The following S1PR5 variants were observed in gnomAD, a reference collection of about 807,000 sequenced individuals.
The protein encoded by S1PR5 is sphingosine-1-phosphate receptor 5.
For missense variants in S1PR5, 583 were observed against 571.7 expected (o/e 1.02, Z -0.20); for synonymous variants, 307 against 284.7 (o/e 1.08, Z -0.79).
At position 10,514,421 on chromosome 19, in the gene S1PR5, G is replaced by T; in HGVS notation, c.591C>A (p.Cys197Ter). 1.9e-6 allele frequency: 3 copies of T among 1,609,480 alleles called. No homozygotes were observed. Among genetic ancestry groups the T allele is most frequent in the Non-Finnish European group, 2.5e-6 (3 of 1,178,352 alleles). ...CCAGGATGCCCACGAAGGCGAGCAC[G>T]CAGAAGAGCACGTAGGCCTTGGCGT... ...PLYAKAYVLF[C>*]VLAFVGILAA... Residue 197 changes from cysteine to a stop codon, truncating the protein, a stop_gained, in exon 2 of 2, where the codon TGC (cysteine) becomes TGA (stop). Transcript: ENST00000333430. LOFTEE classifies it low-confidence loss of function (END_TRUNC).
In S1PR5 at chr19:10,514,423, A is replaced by C; in HGVS notation, c.589T>G (p.Cys197Gly). The C allele has an allele frequency of 6.2e-7, 1 of 1,609,758 alleles. No individual in the cohort carries two copies. Among genetic ancestry groups the C allele is most frequent in the East Asian group, 2.2e-5 (1 of 44,732 alleles). The change falls in exon 2 of 2, where the codon TGC (cysteine) becomes GGC (glycine). Residue 197 changes from cysteine (C) to glycine (G), a missense_variant. Transcript: ENST00000333430. ...AGGATGCCCACGAAGGCGAGCACGCAGAAGAGCACGTAGGCCTTGGCGTAG... is the reference window on the plus strand; with the variant it reads ...AGGATGCCCACGAAGGCGAGCACGCCGAAGAGCACGTAGGCCTTGGCGTAG... Reference protein sequence around the residue: ...PLYAKAYVLFCVLAFVGILAA... With the variant: ...PLYAKAYVLFGVLAFVGILAA...
chr19:10,515,138 T>G, intron 1 of S1PR5, 109 bp from the exon 2 acceptor site: 3 of 1,391,314 alleles, frequency 2.2e-6, no homozygotes, highest in Non-Finnish European at 2.9e-6. Context: ...TCACCCCCTA[T>G]ACATGGTGTC....
chr19:10,517,548 G>C (rs971719513), upstream of S1PR5: 1 of 985,306 alleles, frequency 1.0e-6, no homozygotes. Flanking sequence ...CCCTCCCCTT[G>C]GGTCCCGGGC....
In S1PR5 at chr19:10,517,423, G is replaced by C. The variant is rs1191977175; in HGVS notation, c.-44C>G. 1 of 985,526 alleles carries C rather than the reference G, an allele frequency of 1.0e-6. No individual in the cohort carries two copies. The highest frequency in any genetic ancestry group is 6.1e-5 in the Admixed American group (1 of 16,272). The allele number at this position is 985,526 out of a possible 1,614,324, so 61.0% of individuals were successfully genotyped here. ...TCTGCGCCCTGGTCGTGCGCCACCC[G>C]CAGTCGCGCTGCCTTGAACCGAGTG... is the stretch of plus-strand genomic sequence containing the variant. On this transcript the variant is annotated 5_prime_UTR_variant, in exon 1 of 2. Transcript: ENST00000333430.
chr19:10,517,539 C>T (rs1218808434), upstream of S1PR5: 20 of 985,414 alleles, frequency 2.0e-5, no homozygotes, highest in South Asian at 4.7e-5. Flanking sequence ...GCAGTTGCCC[C>T]CTCCCCTTGG....
chr19:10,517,387 A>G lies in S1PR5; in HGVS notation c.-19+11T>C, dbSNP rs1448755310. The G allele has an allele frequency of 3.0e-6, 3 of 985,658 alleles. No homozygotes were observed. The highest frequency in any genetic ancestry group is 3.6e-6 in the Non-Finnish European group (3 of 830,120). 61.1% of individuals were successfully genotyped at this position (985,658 alleles called of 1,614,324 possible). On this transcript the variant is annotated intron_variant, in intron 1 of 1. Coordinates refer to ENST00000333430, the MANE Select transcript of S1PR5 (RefSeq NM_030760.5). ...CCCAGCGCCCCCAAAGGTCCAGTGC[A>G]GTCCACTCACTCTGCGCCCTGGTCG...
Position 10,514,709 on chromosome 19 carries a change from C to G in S1PR5, c.303G>C (p.Leu101=). 1 of 1,610,700 alleles carries G rather than the reference C, an allele frequency of 6.2e-7. No individual in the cohort carries two copies. The highest frequency in any genetic ancestry group is 8.5e-7 in the Non-Finnish European group (1 of 1,179,154). Residue 101 remains leucine (L), a synonymous_variant, in exon 2 of 2, where the codon CTG becomes CTC. Coordinates refer to ENST00000333430, the MANE Select transcript of S1PR5 (RefSeq NM_030760.5). ...CGAACCAGAGCGCGGGGGACAGTTT[C>G]AGCGTGAGCGGCCCCGACAGTAGGA... ...ANILLSGPLT[L]KLSPALWFAR...
chr19:10,514,081 G>C lies in S1PR5; in HGVS notation c.931C>G (p.Arg311Gly), dbSNP rs1287763880. ...CGCAGGAGCGCGTGGCGCAGGTCGC[G>C]GTTGGTGAGCGTGTAGATGATGGGG... ...LNPIIYTLTN[R>G]DLRHALLRLV... Residue 311 changes from arginine (R) to glycine (G), a missense_variant, in exon 2 of 2, where the codon CGC becomes GGC. Arg to Gly is a moderately radical substitution (Grantham distance 125). Transcript: ENST00000333430. The C allele has an allele frequency of 7.4e-6, 12 of 1,612,614 alleles. No homozygotes were observed. The African/African-American group carries it at 1.3e-4, about 18-fold the overall frequency.
rs1219050465 is a variant in S1PR5, at chr19:10,513,571, G to T, written c.*244C>A. 8.3e-6 allele frequency: 5 copies of T among 600,040 alleles called. No homozygotes were observed. The East Asian group carries it at 1.5e-4, about 18-fold the overall frequency. The allele number at this position is 600,040 out of a possible 1,614,324, so 37.2% of individuals were successfully genotyped here. ...CCTGACCACCATCACCATCTCTGTC[G>T]TTTGTCACTGGAATCATCTCCATTA... On this transcript the variant is annotated 3_prime_UTR_variant, in exon 2 of 2. Coordinates refer to ENST00000333430, the MANE Select transcript of S1PR5 (RefSeq NM_030760.5).
rs1418770385 is a variant in S1PR5 at position 10,513,318 on chromosome 19, G to T, written c.*497C>A. 1 of 340,456 alleles carries T rather than the reference G, an allele frequency of 2.9e-6. No individual in the cohort carries two copies. Among genetic ancestry groups the T allele is most frequent in the Non-Finnish European group, 5.2e-6 (1 of 190,814 alleles). 21.1% of individuals were successfully genotyped at this position (340,456 alleles called of 1,614,324 possible). On this transcript the variant is annotated 3_prime_UTR_variant, in exon 2 of 2. Transcript: ENST00000333430. The stretch of plus-strand genomic sequence containing the variant: ...GCGAAGTCCTCTATATCACCCACAA[G>T]GTCCTTCGGGAACTACTCCTTCAGC...
Position 10,513,351 on chromosome 19 carries a change from C to T in S1PR5, c.*464G>A. Reference sequence around the variant, plus strand: ...GGGAACTACTCCTTCAGCTCCTTGTCTCCTCCCATTCTCCCCCTCCGTCCC... The same window carrying T: ...GGGAACTACTCCTTCAGCTCCTTGTTTCCTCCCATTCTCCCCCTCCGTCCC... On this transcript the variant is annotated 3_prime_UTR_variant, in exon 2 of 2. Transcript: ENST00000333430. 2.5e-6 allele frequency: 1 copy of T among 398,290 alleles called. No individual in the cohort carries two copies. Among genetic ancestry groups the T allele is most frequent in the Non-Finnish European group, 4.4e-6 (1 of 226,546 alleles). The allele number at this position is 398,290 out of a possible 1,614,324, so 24.7% of individuals were successfully genotyped here.
chr19:10,514,097 G>C lies in S1PR5; in HGVS notation c.915C>G (p.Ile305Met), dbSNP rs74179935. The stretch of plus-strand genomic sequence containing the variant: ...GCAGGTCGCGGTTGGTGAGCGTGTA[G>C]ATGATGGGGTTCAGAAGTGAGTTGG... Reference protein sequence around the residue: ...AMANSLLNPIIYTLTNRDLRH... With the variant: ...AMANSLLNPIMYTLTNRDLRH... Residue 305 changes from isoleucine (I) to methionine (M), a missense_variant, in exon 2 of 2, where the codon ATC (isoleucine) becomes ATG (methionine). Coordinates refer to ENST00000333430, the MANE Select transcript of S1PR5 (RefSeq NM_030760.5). The C allele has an allele frequency of 1.9e-6, 3 of 1,612,930 alleles. No individual in the cohort carries two copies. Among genetic ancestry groups the C allele is most frequent in the Non-Finnish European group, 2.5e-6 (3 of 1,179,830 alleles).
rs373176714 is a variant in S1PR5, at chr19:10,514,928, C to A, written c.84G>T (p.Ala28=). ...GCAGGCCGGCACCCGGCTGGTAGCG[C>A]GCACCGCGGAGCTTGCCGGTGTAGT... ...HYNYTGKLRG[A]RYQPGAGLRA... Residue 28 remains alanine, a synonymous_variant, in exon 2 of 2, where the codon GCG becomes GCT. Transcript: ENST00000333430. 5 of 1,609,156 alleles carry A rather than the reference C, an allele frequency of 3.1e-6. No homozygotes were observed. Among genetic ancestry groups the A allele is most frequent in the Non-Finnish European group, 4.2e-6 (5 of 1,178,706 alleles).
In S1PR5 at chr19:10,514,560, G is replaced by A. The variant is rs756472961; in HGVS notation, c.452C>T (p.Thr151Met). 6.3e-7 allele frequency: 1 copy of A among 1,577,862 alleles called. No homozygotes were observed. The highest frequency in any genetic ancestry group is 1.1e-5 in the South Asian group (1 of 87,308). ...GPAPVSSRGR[T>M]LAMAAAAWGV... ...CCAGGCCGCGGCTGCCATCGCCAGC[G>A]TGCGCCCCCGACTGGAGACGGGCGC... Residue 151 changes from threonine to methionine, a missense_variant, in exon 2 of 2, where the codon ACG becomes ATG. Transcript: ENST00000333430.
chr19:10,515,894 T>C (rs1415072235), intron 1 of S1PR5, among the ~76,000 whole-genome samples: 1 of 151,860 alleles, frequency 6.6e-6, no homozygotes, highest in African/African-American at 2.4e-5. Flanking sequence ...ATTGTGCCAC[T>C]GTACTCCAGC....
At chr19:10,515,463 A>G (rs1915416077) in intron 1 of S1PR5, among the ~76,000 whole-genome samples, 2 of 152,104 alleles carry the variant, frequency 1.3e-5, no homozygotes, top group African/African-American at 4.8e-5. Flanking sequence ...AACACAAAAA[A>G]TTAGCCAGGC....
In S1PR5 at chr19:10,514,444, C is replaced by T. The variant is rs777770115; in HGVS notation, c.568G>A (p.Ala190Thr). ...ACGCAGAAGAGCACGTAGGCCTTGGCGTAGAGCGGCAAGACAGTGGAGCAA... is the reference window on the plus strand; with the variant it reads ...ACGCAGAAGAGCACGTAGGCCTTGGTGTAGAGCGGCAAGACAGTGGAGCAA... The part of the protein sequence containing the change: ...DACSTVLPLY[A>T]KAYVLFCVLA... Residue 190 changes from alanine (A) to threonine (T), a missense_variant, in exon 2 of 2, where the codon GCC becomes ACC. Transcript: ENST00000333430. 3 of 1,609,494 alleles carry T rather than the reference C, an allele frequency of 1.9e-6. No homozygotes were observed. Among genetic ancestry groups the T allele is most frequent in the Non-Finnish European group, 8.5e-7 (1 of 1,178,394 alleles).
At position 10,512,925 on chromosome 19, in the gene S1PR5, A is replaced by AAAAAGAAAGAAAG. The variant is rs1555742591; in HGVS notation, c.*889_*890insCTTTCTTTCTTTT. Reference sequence around the variant, plus strand: ...ACAAGATCCCAACTCAAAAAAAAAAAAAAGAAAGAAAGAAAGAAAAGAAAA... The same window carrying AAAAAGAAAGAAAG: ...ACAAGATCCCAACTCAAAAAAAAAAAAAAAGAAAGAAAGAAAGAAAGAAAGAAAGAAAAGAAAA... On this transcript the variant is annotated 3_prime_UTR_variant, in exon 2 of 2. Coordinates refer to ENST00000333430, the MANE Select transcript of S1PR5 (RefSeq NM_030760.5). The AAAAAGAAAGAAAG allele has an allele frequency of 7.9e-6, 1 of 126,262 alleles. No homozygotes were observed. The highest frequency in any genetic ancestry group is 3.0e-5 in the African/African-American group (1 of 33,594). The allele number at this position is 126,262 out of a possible 1,614,324, so 7.8% of individuals were successfully genotyped here. A position where few individuals can be genotyped will look rare whatever the true frequency, so the allele number is the denominator to read the frequency against.
In S1PR5 at chr19:10,514,810, G is replaced by C. The variant is rs1035565650; in HGVS notation, c.202C>G (p.His68Asp). 23 of 1,612,988 alleles carry C rather than the reference G, an allele frequency of 1.4e-5. No individual in the cohort carries two copies. In the Admixed American group the frequency reaches 1.7e-4, roughly 12 times the overall value. The change falls in exon 2 of 2, where the codon CAC becomes GAC. Residue 68 changes from histidine to aspartate, a missense_variant. His to Asp is a moderately conservative substitution (Grantham distance 81). Coordinates refer to ENST00000333430, the MANE Select transcript of S1PR5 (RefSeq NM_030760.5). ...LLVLGRHPRFHAPMFLLLGSL... is the reference protein window; with the variant it reads ...LLVLGRHPRFDAPMFLLLGSL... ...CCCAGGAGCAGGAACATGGGAGCGT[G>C]GAAGCGCGGGTGGCGTCCGAGCACC...
Sources: gnomAD v4.1 joint callset for allele counts (sites outside exome capture counted in the v4.1 genomes callset) on GRCh38, gnomAD v4.1.1 for gene constraint, MANE v1.5 for transcripts, NCBI Gene and HGNC (gene_info 2026-07-23, HGNC 2026-07-21) for gene names.